NINL: variants seen among roughly 807,000 people sequenced by gnomAD.
The protein encoded by NINL is ninein like.
Under a neutral mutation model 160.3 loss-of-function variants are expected in NINL, and 153 were observed. That is an observed-to-expected ratio of 0.95 (90% confidence interval 0.84 to 1.09). The LOEUF (loss-of-function observed/expected upper bound fraction) is 1.09, where lower values mean the gene tolerates loss of function less well. Among genes scored for constraint, NINL ranks in the 50% least tolerant of loss-of-function variants. NINL has a pLI of 0.00. For synonymous variants in NINL, 800 were observed against 734.8 expected (o/e 1.09, Z -1.43); for missense variants, 1,829 against 1,764.0 (o/e 1.04, Z -0.66).
At chr20:25,501,142 G>T in intron 7 of NINL, 132 bp from the exon 8 acceptor site, 2 of 1,182,538 alleles carry the variant, frequency 1.7e-6, no homozygotes, top group Non-Finnish European at 2.3e-6. Flanking sequence ...ACCATCCTCA[G>T]CTCTCAGAGG....
At chr20:25,474,651 C>T (rs973677406) in intron 17 of NINL, among the ~76,000 whole-genome samples, 1 of 151,830 alleles carries the variant, frequency 6.6e-6, no homozygotes, top group Non-Finnish European at 1.5e-5. Flanking sequence ...TGCTCTGTCA[C>T]CCAGGCTGGA....
intron 1 of NINL, among the ~76,000 whole-genome samples, chr20:25,560,092 T>C (rs373060930): frequency 6.6e-6 from 1 of 152,172 alleles, no homozygotes; most frequent in South Asian, 2.1e-4. Context: ...ACTACAGCCA[T>C]GTGTCACAAT....
chr20:25,505,133 ACT>A (rs2063938461), intron 5 of NINL, 55 bp from the exon 6 acceptor site: 1 of 1,447,596 alleles, frequency 6.9e-7, no homozygotes. Context: ...ATGGAGCACG[ACT>A]CAGCCTTAGA....
chr20:25,506,804 A>G (rs898817677), intron 5 of NINL, among the ~76,000 whole-genome samples: 1 of 152,240 alleles, frequency 6.6e-6, no homozygotes, highest in African/African-American at 2.4e-5. Context: ...TCGTTGAGTC[A>G]AAACATCATG....
rs1295779453 is a variant in NINL at position 25,510,732 on chromosome 20, C to T, written c.459G>A (p.Lys153=). The T allele has an allele frequency of 1.2e-6, 2 of 1,613,362 alleles. No homozygotes were observed. Among genetic ancestry groups the T allele is most frequent in the South Asian group, 1.1e-5 (1 of 91,004 alleles). ...SASLESVESP[K]SDEEAESTKE... Reference sequence around the variant, plus strand: ...TAGTGCTCTCGGCCTCTTCATCTGACTTGGGACTCTGTAGAAAGATGCAGA... The same window carrying T: ...TAGTGCTCTCGGCCTCTTCATCTGATTTGGGACTCTGTAGAAAGATGCAGA... The change falls in exon 5 of 24, where the codon AAG becomes AAA. Residue 153 remains lysine (K), a synonymous_variant. Coordinates refer to ENST00000278886, the MANE Select transcript of NINL (RefSeq NM_025176.6).
At chr20:25,487,786 G>A (rs541454646) in intron 13 of NINL, among the ~76,000 whole-genome samples, 4 of 152,276 alleles carry the variant, frequency 2.6e-5, no homozygotes, top group African/African-American at 9.6e-5. Context: ...ATTTTCTTCC[G>A]CACAGAATTT....
Position 25,476,089 on chromosome 20 carries a change from C to CG in NINL, c.3201dup (p.Val1068ArgfsTer21). ...ACATGTTTCTCCAGAGCCCGGACGA[C>CG]GTCTTCCAGATGTAGAAGTTTGGTT... On this transcript the variant is annotated frameshift_variant, in exon 17 of 24. Coordinates refer to ENST00000278886, the MANE Select transcript of NINL (RefSeq NM_025176.6). LOFTEE classifies it high-confidence loss of function. 1.9e-6 allele frequency: 3 copies of CG among 1,613,986 alleles called. No individual in the cohort carries two copies. Among genetic ancestry groups the CG allele is most frequent in the Non-Finnish European group, 2.5e-6 (3 of 1,179,832 alleles).
intron 21 of NINL, chr20:25,458,859 A>C: frequency 3.4e-6 from 1 of 291,266 alleles, no homozygotes. Context: ...TTCTTTTCAA[A>C]CAACGACCAC....
At chr20:25,559,045 T>C (rs559783306) in intron 1 of NINL, among the ~76,000 whole-genome samples, 1 of 152,362 alleles carries the variant, frequency 6.6e-6, no homozygotes, top group East Asian at 1.9e-4. Context: ...AGCAATTACC[T>C]GTGAGCTTCA....
chr20:25,574,752 T>C (rs1223852309), intron 1 of NINL, among the ~76,000 whole-genome samples: 13 of 152,176 alleles, frequency 8.5e-5, no homozygotes, highest in African/African-American at 3.1e-4. Context: ...TTGAGTTTAA[T>C]GTAGCTACAT....
At chr20:25,564,597 C>T (rs905036723) in intron 1 of NINL, among the ~76,000 whole-genome samples, 5 of 151,774 alleles carry the variant, frequency 3.3e-5, no homozygotes, top group African/African-American at 7.3e-5. Context: ...GGATTACAAG[C>T]GTGAGCCACC....
intron 14 of NINL, 149 bp downstream of exon 14, chr20:25,481,819 T>G: frequency 8.4e-7 from 1 of 1,186,898 alleles, no homozygotes; most frequent in Non-Finnish European, 1.2e-6. Flanking sequence ...CCCTGGATCC[T>G]CCTTGGAAAG....
intron 1 of NINL, among the ~76,000 whole-genome samples, chr20:25,583,173 C>T (rs777784238): frequency 6.6e-6 from 1 of 152,182 alleles, no homozygotes; most frequent in Non-Finnish European, 1.5e-5. Context: ...AGAAACTCTT[C>T]AGAGTGAACA....
chr20:25,466,343 TC>T (rs1328603995), intron 19 of NINL, among the ~76,000 whole-genome samples: 1 of 152,102 alleles, frequency 6.6e-6, no homozygotes, highest in Non-Finnish European at 1.5e-5. Context: ...TTCAAATGGT[TC>T]AGAACACACA....
At chr20:25,495,295 T>C (rs764362293) in intron 10 of NINL, among the ~76,000 whole-genome samples, 10 of 152,172 alleles carry the variant, frequency 6.6e-5, no homozygotes, top group Non-Finnish European at 8.8e-5. Context: ...CAGGCTCCCA[T>C]CTGCAGGCTC....
chr20:25,474,547 A>C (rs141219613), intron 17 of NINL, among the ~76,000 whole-genome samples: 1 of 152,272 alleles, frequency 6.6e-6, no homozygotes, highest in African/African-American at 2.4e-5. Context: ...AAATGAAGGA[A>C]CATTTAAGAT....
intron 1 of NINL, among the ~76,000 whole-genome samples, chr20:25,547,697 T>C (rs2064752783): frequency 6.6e-6 from 1 of 152,190 alleles, no homozygotes; most frequent in African/African-American, 2.4e-5. Flanking sequence ...TTTCACTTGA[T>C]TACCTCTTTA....
rs369799697 is a variant in NINL at position 25,488,752 on chromosome 20, T to C, written c.1677+492A>G. 2.4e-4 allele frequency among the ~76,000 whole-genome samples: 36 copies of C among 152,224 alleles called. No individual in the cohort carries two copies. The South Asian group carries it at 7.2e-3, about 31-fold the overall frequency. On this transcript the variant is annotated intron_variant, in intron 13 of 23. Coordinates refer to ENST00000278886, the MANE Select transcript of NINL (RefSeq NM_025176.6). Reference sequence around the variant, plus strand: ...TAGGCTATTTATGTTAACCTGTTATTACATTATTATTCTTAAATAAATTAA... The same window carrying C: ...TAGGCTATTTATGTTAACCTGTTATCACATTATTATTCTTAAATAAATTAA...
intron 22 of NINL, among the ~76,000 whole-genome samples, chr20:25,456,241 C>CAA (rs34657031): frequency 0.038 from 1,523 of 40,592 alleles, 170 homozygotes; most frequent in African/African-American, 0.13. Context: ...GACTCCATCT[C>CAA]AAAAAAAAAA....
Sources: allele counts gnomAD v4.1 joint callset (sites outside exome capture counted in the v4.1 genomes callset), GRCh38; gene constraint gnomAD v4.1.1; transcripts MANE v1.5; gene names NCBI Gene and HGNC (gene_info 2026-07-23, HGNC 2026-07-21).